The following CBFA2T3 variants were observed in gnomAD, a reference collection of about 807,000 sequenced individuals.
CBFA2T3 encodes CBFA2/RUNX1 partner transcriptional co-repressor 3.
CBFA2T3 carries 31 observed loss-of-function variants against 58.6 expected under a neutral mutation model. The observed-to-expected ratio is 0.53, with a 90% confidence interval of 0.40 to 0.71. CBFA2T3 has a LOEUF of 0.71. Among genes scored for constraint, CBFA2T3 ranks in the 30% least tolerant of loss-of-function variants. CBFA2T3 has a pLI of 0.00. For synonymous variants in CBFA2T3, 531 were observed against 421.9 expected (o/e 1.26, Z -3.17); for missense variants, 1,076 against 963.1 (o/e 1.12, Z -1.55).
chr16:88,931,776 G>C (rs1461986077), intron 1 of CBFA2T3, among the ~76,000 whole-genome samples: 1 of 152,148 alleles, frequency 6.6e-6, no homozygotes, highest in African/African-American at 2.4e-5. Flanking sequence ...GGCAGGTTTG[G>C]TTGGATGCAG....
At chr16:88,972,312 T>C (rs1972675082) in intron 1 of CBFA2T3, among the ~76,000 whole-genome samples, 1 of 152,134 alleles carries the variant, frequency 6.6e-6, no homozygotes. Context: ...TCTGTGCCAG[T>C]GGAGCCTCCG....
intron 2 of CBFA2T3, among the ~76,000 whole-genome samples, chr16:88,899,119 G>A (rs144944339): frequency 5.0e-4 from 69 of 136,656 alleles, no homozygotes; most frequent in East Asian, 1.7e-3. Context: ...ATGAATTTGC[G>A]CCCAGGGCTG....
Position 88,887,885 on chromosome 16 carries a change from G to A in CBFA2T3, c.712-1743C>T, listed in dbSNP as rs913622681. Among the ~76,000 whole-genome samples, 6 of 152,184 alleles carry A rather than the reference G, an allele frequency of 3.9e-5. 1 individual carries two copies. The South Asian group carries it at 6.2e-4, about 16-fold the overall frequency. ...GGGAACTGGTGTTTGCAATGACGGCGGCGGTGGCTGAGGCACTAGTTGAGC... is the reference window on the plus strand; with the variant it reads ...GGGAACTGGTGTTTGCAATGACGGCAGCGGTGGCTGAGGCACTAGTTGAGC... On this transcript the variant is annotated intron_variant, in intron 5 of 11. Transcript: ENST00000268679.
In CBFA2T3 at chr16:88,885,318, G is replaced by A. The variant is rs555987218; in HGVS notation, c.894-49C>T. The A allele has an allele frequency of 1.7e-5, 23 of 1,331,926 alleles. No individual in the cohort carries two copies. Among genetic ancestry groups the A allele is most frequent in the South Asian group, 5.9e-5 (4 of 67,908 alleles). The allele number at this position is 1,331,926 out of a possible 1,614,324, so 82.5% of individuals were successfully genotyped here. A position where few individuals can be genotyped will look rare whatever the true frequency, so the allele number is the denominator to read the frequency against. On this transcript the variant is annotated intron_variant, in intron 6 of 11. Coordinates refer to ENST00000268679, the MANE Select transcript of CBFA2T3 (RefSeq NM_005187.6). The surrounding 1 kb of genome is among the most constrained non-coding windows in gnomAD (Gnocchi z 5.3). ...GAGGGCAGTGGACATAGGATGAACC[G>A]GGGACAGAGGTGCAGGTGGGGTGAG... is the stretch of plus-strand genomic sequence containing the variant.
chr16:88,898,141 C>T lies in CBFA2T3; in HGVS notation c.316G>A (p.Gly106Arg), dbSNP rs770164863. Residue 106 changes from glycine (G) to arginine (R), a missense_variant, in exon 3 of 12, where the codon GGG becomes AGG. Gly to Arg is a moderately radical substitution (Grantham distance 125). Coordinates refer to ENST00000268679, the MANE Select transcript of CBFA2T3 (RefSeq NM_005187.6). ...CGGCCGTGGGGCAGCGTCGCAGGCC[C>T]GTCCTCTCGATCTGTAAGCAAAATA... ...SFTPHTHRED[G>R]PATLPHGRFH... The T allele has an allele frequency of 5.6e-6, 9 of 1,612,490 alleles. No homozygotes were observed. Among genetic ancestry groups the T allele is most frequent in the Middle Eastern group, 1.7e-4 (1 of 6,050 alleles).
At chr16:88,960,459 T>G (rs891265401) in intron 1 of CBFA2T3, among the ~76,000 whole-genome samples, 1 of 152,236 alleles carries the variant, frequency 6.6e-6, no homozygotes, top group African/African-American at 2.4e-5. Context: ...TATTGATTTG[T>G]GGACTGGAAC....
intron 1 of CBFA2T3, chr16:88,941,231 A>G: frequency 2.1e-6 from 2 of 943,198 alleles, no homozygotes; most frequent in Non-Finnish European, 2.5e-6. Context: ...GGCTCCGGCC[A>G]CCCCGCGCGG....
At chr16:88,889,929 C>T (rs553338362) in intron 5 of CBFA2T3, among the ~76,000 whole-genome samples, 25 of 147,278 alleles carry the variant, frequency 1.7e-4, no homozygotes, top group Middle Eastern at 3.6e-3. Flanking sequence ...ATTCCTCCTC[C>T]TCCAGGGACG....
At chr16:88,910,529 G>A (rs544327473) in intron 1 of CBFA2T3, among the ~76,000 whole-genome samples, 2 of 152,374 alleles carry the variant, frequency 1.3e-5, no homozygotes, top group South Asian at 2.1e-4. Flanking sequence ...CCCAGCCTCA[G>A]TGTCCTCCGG....
chr16:88,885,573 G>A lies in CBFA2T3; in HGVS notation c.894-304C>T, dbSNP rs111419129. ...GAGGAGAGGGATACACCAGGCTTCC[G>A]TAACTGGAGACCACCTGCCCCTTGG... On this transcript the variant is annotated intron_variant, in intron 6 of 11. Transcript: ENST00000268679. This position sits in a 1 kb window ranked among gnomAD's most constrained non-coding sequence, Gnocchi z 5.3. Among the ~76,000 whole-genome samples the A allele has an allele frequency of 0.017, 2,623 of 152,226 alleles. 70 individuals carry two copies. Among genetic ancestry groups the A allele is most frequent in the African/African-American group, 0.06 (2,488 of 41,504 alleles).
In CBFA2T3 at chr16:88,896,771, G is replaced by A. The variant is rs1388151893; in HGVS notation, c.379+1307C>T. On this transcript the variant is annotated intron_variant, in intron 3 of 11. Transcript: ENST00000268679. ...CTCAGACGCGCCACAGTGCACGCCG[G>A]GGCCCCTGCCCACCGCCCCGGCCAG... is the stretch of plus-strand genomic sequence containing the variant. Among the ~76,000 whole-genome samples, 4 of 152,162 alleles carry A rather than the reference G, an allele frequency of 2.6e-5. No homozygotes were observed. The South Asian group carries it at 6.2e-4, about 24-fold the overall frequency.
chr16:88,882,426 TG>T (rs1748231285), intron 8 of CBFA2T3, among the ~76,000 whole-genome samples: 2 of 149,544 alleles, frequency 1.3e-5, no homozygotes, highest in Non-Finnish European at 3.0e-5. Context: ...TGTGTATGGC[TG>T]TGTGTGGGTG....
rs922295209 is a variant in CBFA2T3 at position 88,976,922 on chromosome 16, C to T, written c.-115G>A. 3.8e-6 allele frequency: 5 copies of T among 1,325,186 alleles called. No individual in the cohort carries two copies. The highest frequency in any genetic ancestry group is 2.9e-5 in the African/African-American group (2 of 67,890). The allele number at this position is 1,325,186 out of a possible 1,614,324, so 82.1% of individuals were successfully genotyped here. The stretch of plus-strand genomic sequence containing the variant: ...AGAGGAGGGGCTGGGCCAGCTGGGG[C>T]GTCCTGGAGTTGGGCCTCTGTCCCT... On this transcript the variant is annotated 5_prime_UTR_variant, in exon 1 of 12. Transcript: ENST00000268679.
chr16:88,969,561 C>T (rs1252849073), intron 1 of CBFA2T3, among the ~76,000 whole-genome samples: 2 of 152,230 alleles, frequency 1.3e-5, no homozygotes, highest in Admixed American at 6.5e-5. Context: ...TCAGCGTGGC[C>T]GGTGGACAGC....
At chr16:88,935,681 T>G (rs1382104626) in intron 1 of CBFA2T3, among the ~76,000 whole-genome samples, 1 of 152,132 alleles carries the variant, frequency 6.6e-6, no homozygotes, top group African/African-American at 2.4e-5. Flanking sequence ...GTGCAGACAA[T>G]GAACTTCTGT....
At chr16:88,918,855 C>T (rs1233746146) in intron 1 of CBFA2T3, among the ~76,000 whole-genome samples, 2 of 152,206 alleles carry the variant, frequency 1.3e-5, no homozygotes, top group East Asian at 3.8e-4. Context: ...TGCAGGCTCG[C>T]CGGGTTATCA....
rs1003511245 is a variant in CBFA2T3, at chr16:88,876,347, C to T, written c.*629G>A. ...TGAGTCAGAAATCGAAATCTTTCCT[C>T]CCGTCTTCGCTGATCAGCCTCACGC... is the stretch of plus-strand genomic sequence containing the variant. On this transcript the variant is annotated 3_prime_UTR_variant, in exon 12 of 12. Transcript: ENST00000268679. The T allele has an allele frequency of 2.2e-4, 50 of 228,878 alleles. No individual in the cohort carries two copies. The highest frequency in any genetic ancestry group is 1.1e-3 in the African/African-American group (48 of 45,112). 14.2% of individuals were successfully genotyped at this position (228,878 alleles called of 1,614,324 possible). A position where few individuals can be genotyped will look rare whatever the true frequency, so the allele number is the denominator to read the frequency against.
intron 1 of CBFA2T3, among the ~76,000 whole-genome samples, chr16:88,926,838 C>T (rs377278503): frequency 2.6e-5 from 4 of 152,350 alleles, no homozygotes; most frequent in Non-Finnish European, 5.9e-5. Context: ...CAAGGCCTTC[C>T]GTGCCTGTCC....
Position 88,881,417 on chromosome 16 carries a change from C to A in CBFA2T3, c.1276G>T (p.Ala426Ser). The A allele has an allele frequency of 6.2e-7, 1 of 1,608,708 alleles. No individual in the cohort carries two copies. The highest frequency in any genetic ancestry group is 8.5e-7 in the Non-Finnish European group (1 of 1,178,534). Reference protein sequence around the residue: ...SLTVLRRCQEADREELNHWAR... With the variant: ...SLTVLRRCQESDREELNHWAR... ...CAGTGGTTGAGCTCCTCGCGGTCGG[C>A]CTCCTGGCACCTGCGCAGCACCGTG... The change falls in exon 9 of 12, where the codon GCC becomes TCC. Residue 426 changes from alanine (A) to serine (S), a missense_variant. Coordinates refer to ENST00000268679, the MANE Select transcript of CBFA2T3 (RefSeq NM_005187.6).
Sources: allele counts gnomAD v4.1 joint callset (sites outside exome capture counted in the v4.1 genomes callset), GRCh38; gene constraint gnomAD v4.1.1; non-coding constraint Gnocchi (gnomAD v3.1); transcripts MANE v1.5; gene names NCBI Gene and HGNC (gene_info 2026-07-23, HGNC 2026-07-21).